GULP1: variants seen among roughly 807,000 people sequenced by gnomAD.
GULP1 encodes GULP PTB domain containing engulfment adaptor 1, also known as PTB domain-containing engulfment adapter protein 1.
A neutral mutation model predicts 40.9 loss-of-function variants in GULP1; 19 were observed. The ratio of observed to expected loss-of-function variants is 0.46; its 90% CI spans 0.32 to 0.68. GULP1 has a LOEUF of 0.68. GULP1 is among the 30% of genes least tolerant of loss of function. GULP1 has a pLI of 0.03. For synonymous variants in GULP1, 119 were observed against 117.6 expected (o/e 1.01, Z -0.08); for missense variants, 312 against 362.2 (o/e 0.86, Z 1.12).
At chr2:188,338,700 G>A (rs754273797) in intron 1 of GULP1, among the ~76,000 whole-genome samples, 1 of 152,048 alleles carries the variant, frequency 6.6e-6, no homozygotes, top group African/African-American at 2.4e-5. Flanking sequence ...TCTGAGAAAC[G>A]GCTTCTAAAA....
intron 4 of GULP1, among the ~76,000 whole-genome samples, chr2:188,498,920 GAGA>G (rs2063157941): frequency 6.6e-6 from 1 of 151,274 alleles, no homozygotes; most frequent in African/African-American, 2.4e-5. Context: ...GCTTTACGTG[GAGA>G]AGGAGTTTGC....
intron 2 of GULP1, among the ~76,000 whole-genome samples, chr2:188,417,022 A>G: frequency 6.6e-6 from 1 of 152,212 alleles, no homozygotes; most frequent in Non-Finnish European, 1.5e-5. Flanking sequence ...TTTTCAAAAT[A>G]CCTGAAAGTT....
intron 7 of GULP1, among the ~76,000 whole-genome samples, chr2:188,555,656 T>C (rs1274159975): frequency 6.6e-6 from 1 of 152,240 alleles, no homozygotes; most frequent in Non-Finnish European, 1.5e-5. Context: ...TCTTTGACTT[T>C]AGATAGTCTG....
At chr2:188,513,380 A>G (rs1404647720) in intron 4 of GULP1, among the ~76,000 whole-genome samples, 2 of 152,092 alleles carry the variant, frequency 1.3e-5, no homozygotes, top group Non-Finnish European at 2.9e-5. Context: ...CAATGTTTTA[A>G]TCTCAAAGTT....
intron 1 of GULP1, among the ~76,000 whole-genome samples, chr2:188,366,873 G>A (rs1170654043): frequency 1.3e-5 from 2 of 152,240 alleles, no homozygotes; most frequent in East Asian, 3.9e-4. Flanking sequence ...GATTACAGGC[G>A]TGAGCCACCT....
rs141462521 is a variant in GULP1, at chr2:188,496,730, CATGT to C, written c.90+13239_90+13242del. ...TGGATTTGTGTCCCTACCCCAATCT[CATGT>C]CCAATTGTAATCCCCAGTGTTGGAG... On this transcript the variant is annotated intron_variant, in intron 4 of 11. Coordinates refer to ENST00000409830, the MANE Select transcript of GULP1 (RefSeq NM_016315.4). Among the ~76,000 whole-genome samples, 391 of 152,046 alleles carry C rather than the reference CATGT, an allele frequency of 2.6e-3. 2 individuals are homozygous for C. Among genetic ancestry groups the C allele is most frequent in the African/African-American group, 9.0e-3 (373 of 41,506 alleles).
rs930186382 is a variant in GULP1 at position 188,595,598 on chromosome 2, T to C, written c.*1587T>C. ...ATAATAAGGATGTTTAGAAGCCATA[T>C]AAGTGGCTTTTTTTAACAGATAGAA... On this transcript the variant is annotated 3_prime_UTR_variant, in exon 12 of 12. Transcript: ENST00000409830. 1 of 152,178 alleles carries C rather than the reference T, an allele frequency of 6.6e-6. No homozygotes were observed. The highest frequency in any genetic ancestry group is 2.4e-5 in the African/African-American group (1 of 41,418). 9.4% of individuals were successfully genotyped at this position (152,178 alleles called of 1,614,324 possible).
At chr2:188,314,586 T>G (rs2106435666) in intron 1 of GULP1, among the ~76,000 whole-genome samples, 1 of 152,288 alleles carries the variant, frequency 6.6e-6, no homozygotes, top group Middle Eastern at 3.4e-3. Flanking sequence ...TTAATAAAAC[T>G]AACTTTGTAA....
intron 2 of GULP1, among the ~76,000 whole-genome samples, chr2:188,388,590 GAT>G (rs1481902953): frequency 6.6e-6 from 1 of 151,918 alleles, no homozygotes; most frequent in Admixed American, 6.6e-5. Context: ...ATTTAAAAGT[GAT>G]ATGTGTGTTA....
At chr2:188,339,331 T>C (rs949063941) in intron 1 of GULP1, among the ~76,000 whole-genome samples, 4 of 152,184 alleles carry the variant, frequency 2.6e-5, no homozygotes, top group Admixed American at 2.6e-4. Context: ...TAGATGATGC[T>C]TTGTCAGTAT....
At chr2:188,390,493 C>T (rs1488245621) in intron 2 of GULP1, among the ~76,000 whole-genome samples, 1 of 151,818 alleles carries the variant, frequency 6.6e-6, no homozygotes, top group Non-Finnish European at 1.5e-5. Flanking sequence ...TATTTAAGTA[C>T]CTTGTGGATT....
chr2:188,444,982 T>C (rs908467670), intron 2 of GULP1, among the ~76,000 whole-genome samples: 7 of 152,220 alleles, frequency 4.6e-5, no homozygotes, highest in Non-Finnish European at 1.0e-4. Context: ...GATTGTCACC[T>C]ATTATTTAAT....
At chr2:188,577,638 T>C (rs1700415105) in intron 9 of GULP1, among the ~76,000 whole-genome samples, 2 of 152,136 alleles carry the variant, frequency 1.3e-5, no homozygotes, top group Non-Finnish European at 2.9e-5. Flanking sequence ...AGTTTTCCAC[T>C]TTGTGGTACA....
At chr2:188,331,901 T>C (rs2041642915) in intron 1 of GULP1, among the ~76,000 whole-genome samples, 1 of 152,224 alleles carries the variant, frequency 6.6e-6, no homozygotes, top group Non-Finnish European at 1.5e-5. Context: ...ATCTTGTTTC[T>C]GTAATGACTA....
At chr2:188,593,121 T>C (rs1703906115) in intron 11 of GULP1, 1 of 152,088 alleles carries the variant, frequency 6.6e-6, no homozygotes, top group Admixed American at 6.6e-5. Context: ...TTTCATCTTT[T>C]TGTAGGCCAA....
chr2:188,553,717 G>C (rs1048811184), intron 7 of GULP1, among the ~76,000 whole-genome samples: 3 of 151,950 alleles, frequency 2.0e-5, no homozygotes, highest in Non-Finnish European at 4.4e-5. Flanking sequence ...TTTTGGAATA[G>C]TTTCAGGATT....
At chr2:188,348,826 C>A (rs1187169961) in intron 1 of GULP1, among the ~76,000 whole-genome samples, 1 of 152,114 alleles carries the variant, frequency 6.6e-6, no homozygotes, top group Non-Finnish European at 1.5e-5. Context: ...CAGTCCCCCT[C>A]CGATATCGAA....
At chr2:188,420,526 G>A (rs546039597) in intron 2 of GULP1, among the ~76,000 whole-genome samples, 8 of 152,266 alleles carry the variant, frequency 5.3e-5, no homozygotes, top group South Asian at 2.1e-4. Context: ...CTTTCACTCC[G>A]ACAGTTCAGC....
chr2:188,595,666 A>G lies in GULP1; in HGVS notation c.*1655A>G, dbSNP rs1039787296. On this transcript the variant is annotated 3_prime_UTR_variant, in exon 12 of 12. Transcript: ENST00000409830. ...CTTTAAAAAGATTTATGTAATAGGT[A>G]TATATTTAGTGGCCATTTATTATCA... The G allele has an allele frequency of 2.0e-5, 3 of 152,168 alleles. No homozygotes were observed. Among genetic ancestry groups the G allele is most frequent in the Admixed American group, 6.6e-5 (1 of 15,176 alleles). The allele number at this position is 152,168 out of a possible 1,614,324, so 9.4% of individuals were successfully genotyped here. A position where few individuals can be genotyped will look rare whatever the true frequency, so the allele number is the denominator to read the frequency against.
Sources: gnomAD v4.1 joint callset for allele counts (sites outside exome capture counted in the v4.1 genomes callset) on GRCh38, gnomAD v4.1.1 for gene constraint, MANE v1.5 for transcripts, NCBI Gene and HGNC (gene_info 2026-07-23, HGNC 2026-07-21) for gene names.